The following NRF1 variants were observed in gnomAD, a reference collection of about 807,000 sequenced individuals.
NRF1 encodes the protein nuclear respiratory factor 1.
NRF1 carries 5 observed loss-of-function variants against 58.5 expected under a neutral mutation model. That is an observed-to-expected ratio of 0.09 (90% CI 0.04 to 0.18). The LOEUF is 0.18. Among genes scored for constraint, NRF1 ranks in the 10% least tolerant of loss-of-function variants. The probability of loss-of-function intolerance (pLI) is 1.00; values close to 1 mark genes in which losing one functional copy is unlikely to be tolerated. For synonymous variants in NRF1, 224 were observed against 246.7 expected (o/e 0.91, Z 0.86); for missense variants, 288 against 657.7 (o/e 0.44, Z 6.15).
intron 10 of NRF1, among the ~76,000 whole-genome samples, chr7:129,743,074 C>T (rs974223998): frequency 6.6e-6 from 1 of 152,094 alleles, no homozygotes; most frequent in East Asian, 1.9e-4. Context: ...GTTTCTGGAA[C>T]AACTCCTTCC....
chr7:129,679,394 A>G (rs1448610627), intron 4 of NRF1, among the ~76,000 whole-genome samples: 4 of 152,254 alleles, frequency 2.6e-5, no homozygotes, highest in African/African-American at 4.8e-5. Flanking sequence ...AACTTTTATC[A>G]TATGTAGAGA....
chr7:129,698,263 T>C (rs1170560812), intron 5 of NRF1, among the ~76,000 whole-genome samples: 1 of 147,754 alleles, frequency 6.8e-6, no homozygotes, highest in Non-Finnish European at 1.5e-5. Context: ...GTTTTTATTA[T>C]TATAACTATA....
At chr7:129,624,065 A>G (rs1004061124) in intron 1 of NRF1, among the ~76,000 whole-genome samples, 21 of 152,112 alleles carry the variant, frequency 1.4e-4, no homozygotes, top group Admixed American at 5.2e-4. Flanking sequence ...ATGGTATGGT[A>G]TTTTCCATCC....
intron 2 of NRF1, among the ~76,000 whole-genome samples, chr7:129,659,141 C>T (rs1801727000): frequency 7.5e-6 from 1 of 133,806 alleles, no homozygotes; most frequent in Non-Finnish European, 1.5e-5. Flanking sequence ...TGCAGTGGCA[C>T]AATCTTGGCT....
At chr7:129,714,206 G>T (rs372776202) in intron 8 of NRF1, among the ~76,000 whole-genome samples, 2 of 152,090 alleles carry the variant, frequency 1.3e-5, no homozygotes, top group Non-Finnish European at 2.9e-5. Flanking sequence ...TCTCTTCACC[G>T]TTTACTGTCA....
At chr7:129,696,089 A>ACAG (rs1189882944) in intron 5 of NRF1, among the ~76,000 whole-genome samples, 21 of 141,932 alleles carry the variant, frequency 1.5e-4, no homozygotes, top group African/African-American at 4.4e-4. Flanking sequence ...AAAAAAAACA[A>ACAG]CCAAATTAGC....
chr7:129,660,337 G>A (rs1447434703), intron 2 of NRF1, among the ~76,000 whole-genome samples: 1 of 150,662 alleles, frequency 6.6e-6, no homozygotes, highest in Non-Finnish European at 1.5e-5. Context: ...AACCAATCAT[G>A]CCTTTCTAAC....
At chr7:129,745,506 A>ACCCCCCCC (rs35406699) in intron 10 of NRF1, among the ~76,000 whole-genome samples, 16 of 112,552 alleles carry the variant, frequency 1.4e-4, no homozygotes, top group Non-Finnish European at 1.4e-4. Context: ...ATCCCCCTCA[A>ACCCCCCCC]CCCCCCCCCC....
intron 1 of NRF1, among the ~76,000 whole-genome samples, chr7:129,654,370 T>C (rs1454993926): frequency 1.3e-5 from 2 of 152,238 alleles, no homozygotes; most frequent in African/African-American, 4.8e-5. Context: ...ACAATCCTTC[T>C]GATTCATCTT....
At chr7:129,712,707 T>C (rs1301268729) in intron 8 of NRF1, among the ~76,000 whole-genome samples, 1 of 152,252 alleles carries the variant, frequency 6.6e-6, no homozygotes, top group African/African-American at 2.4e-5. Flanking sequence ...GCAAAGCGTA[T>C]GTGCCTCCTT....
chr7:129,656,759 T>G (rs1418110088), intron 1 of NRF1, among the ~76,000 whole-genome samples: 6 of 152,266 alleles, frequency 3.9e-5, no homozygotes, highest in African/African-American at 1.4e-4. Flanking sequence ...GTATTTTTAA[T>G]AGAGACAGGG....
At chr7:129,652,257 T>G (rs1454118424) in intron 1 of NRF1, among the ~76,000 whole-genome samples, 2 of 152,220 alleles carry the variant, frequency 1.3e-5, no homozygotes. Flanking sequence ...TATATCTATG[T>G]GGTTGACATT....
intron 1 of NRF1, among the ~76,000 whole-genome samples, chr7:129,642,230 C>T (rs1323041059): frequency 6.6e-6 from 1 of 151,846 alleles, no homozygotes; most frequent in Non-Finnish European, 1.5e-5. Flanking sequence ...GTTATATGCC[C>T]GCCTCAGCCT....
intron 5 of NRF1, among the ~76,000 whole-genome samples, chr7:129,695,621 A>G (rs1241347289): frequency 1.3e-5 from 2 of 148,978 alleles, no homozygotes; most frequent in African/African-American, 4.9e-5. Flanking sequence ...AGCATTTCTT[A>G]TATACTGTAG....
chr7:129,748,498 C>T (rs1480539728), intron 10 of NRF1, among the ~76,000 whole-genome samples: 1 of 152,120 alleles, frequency 6.6e-6, no homozygotes, highest in Non-Finnish European at 1.5e-5. Context: ...CTGAGACTGG[C>T]AGGGCCTAAT....
intron 1 of NRF1, among the ~76,000 whole-genome samples, chr7:129,632,776 T>C (rs80257343): frequency 0.026 from 4,032 of 152,326 alleles, 63 homozygotes; most frequent in Middle Eastern, 0.075. Flanking sequence ...GCTGTAGATA[T>C]TTGATATAAT....
intron 1 of NRF1, among the ~76,000 whole-genome samples, chr7:129,613,610 CT>C (rs1452920878): frequency 1.3e-5 from 2 of 151,946 alleles, no homozygotes; most frequent in East Asian, 3.9e-4. Flanking sequence ...TAAGAAAACT[CT>C]TTACGGCCGG....
Position 129,677,778 on chromosome 7 carries a change from T to C in NRF1, c.465+20T>C, listed in dbSNP as rs1437771193. The C allele has an allele frequency of 2.5e-6, 4 of 1,612,462 alleles. No homozygotes were observed. Among genetic ancestry groups the C allele is most frequent in the African/African-American group, 1.3e-5 (1 of 74,838 alleles). ...AATGTGGTAAGTCAGAACCAAGCTG[T>C]TCTCATTTGCCCTTTGCTTTCTGTC... On this transcript the variant is annotated intron_variant, in intron 4 of 10. Coordinates refer to ENST00000393232, the MANE Select transcript of NRF1 (RefSeq NM_005011.5).
intron 10 of NRF1, among the ~76,000 whole-genome samples, chr7:129,739,855 G>T (rs528209937): frequency 6.6e-6 from 1 of 152,128 alleles, no homozygotes; most frequent in Non-Finnish European, 1.5e-5. Flanking sequence ...GAAGCCTGAC[G>T]GGTCACAAAG....
Sources: allele counts gnomAD v4.1 joint callset (sites outside exome capture counted in the v4.1 genomes callset), GRCh38; gene constraint gnomAD v4.1.1; transcripts MANE v1.5; gene names NCBI Gene and HGNC (gene_info 2026-07-23, HGNC 2026-07-21).